The following SMYD1 variants were observed in gnomAD, a reference collection of about 807,000 sequenced individuals.
SMYD1 encodes histone-lysine N-methyltransferase SMYD1.
A neutral mutation model predicts 54.0 loss-of-function variants in SMYD1; 49 were observed. That is an observed-to-expected ratio of 0.91 (90% CI 0.72 to 1.15). The LOEUF is 1.15. Ranked by LOEUF, SMYD1 falls within the 50% of genes most tolerant of loss-of-function variation. The pLI is 0.00. For synonymous variants in SMYD1, 269 were observed against 234.2 expected, an observed-to-expected ratio of 1.15 and a Z score of -1.36; for missense variants, 653 against 639.6, an observed-to-expected ratio of 1.02 and a Z score of -0.23.
In SMYD1 at chr2:88,088,007, T is replaced by C. The variant is rs1467479249; in HGVS notation, c.460T>C (p.Phe154Leu). Residue 154 changes from phenylalanine to leucine, a missense_variant, in exon 3 of 10, where the codon TTC (phenylalanine) becomes CTC (leucine). Phe to Leu is a conservative substitution (Grantham distance 22, BLOSUM62 0). Transcript: ENST00000419482. ...GGACCTGCGGGTGGACGTGGACACA[T>C]TCTTGCAGTACTGGCCGCCGCAGAG... ...QKDLRVDVDT[F>L]LQYWPPQSQQ... 2 of 1,614,154 alleles carry C rather than the reference T, an allele frequency of 1.2e-6. No homozygotes were observed. Among genetic ancestry groups the C allele is most frequent in the South Asian group, 1.1e-5 (1 of 91,090 alleles).
In SMYD1 at chr2:88,088,152, G is replaced by A; in HGVS notation, c.528+77G>A. 4 of 1,449,060 alleles carry A rather than the reference G, an allele frequency of 2.8e-6. No individual in the cohort carries two copies. The South Asian group carries it at 4.2e-5, about 15-fold the overall frequency. The allele number at this position is 1,449,060 out of a possible 1,614,324, so 89.8% of individuals were successfully genotyped here. The stretch of plus-strand genomic sequence containing the variant: ...TCCCTCCTCCCACTTGGGGAGGGTG[G>A]GGCTTCTCAGAAGTGAACTAAGAGG... On this transcript the variant is annotated intron_variant, in intron 3 of 9. Transcript: ENST00000419482.
At chr2:88,094,803 G>T (rs939358996) in intron 5 of SMYD1, among the ~76,000 whole-genome samples, 4 of 152,084 alleles carry the variant, frequency 2.6e-5, no homozygotes, top group Non-Finnish European at 5.9e-5. Flanking sequence ...ATGGTGGGCT[G>T]CCTCTGTAAA....
At chr2:88,074,666 G>A (rs1573101027) in intron 1 of SMYD1, among the ~76,000 whole-genome samples, 2 of 152,220 alleles carry the variant, frequency 1.3e-5, no homozygotes, top group East Asian at 3.9e-4. Context: ...TTTTTTAAAA[G>A]TTCTTTAAAT....
chr2:88,097,945 G>A (rs773985437), intron 6 of SMYD1, among the ~76,000 whole-genome samples: 4 of 152,160 alleles, frequency 2.6e-5, no homozygotes, highest in Non-Finnish European at 4.4e-5. Flanking sequence ...AGCAGTTGGG[G>A]TCCAAGGATT....
At chr2:88,081,284 AAC>A (rs1293790065) in intron 1 of SMYD1, among the ~76,000 whole-genome samples, 91 of 152,196 alleles carry the variant, frequency 6.0e-4, no homozygotes, top group African/African-American at 2.2e-3. Context: ...GTTATTTTTT[AAC>A]ACTTGTTGTA....
intron 6 of SMYD1, among the ~76,000 whole-genome samples, chr2:88,099,343 C>G (rs1674669834): frequency 6.6e-6 from 1 of 152,280 alleles, no homozygotes; most frequent in Non-Finnish European, 1.5e-5. Flanking sequence ...GCCTCAGCCT[C>G]TTGAAGTGCC....
chr2:88,074,254 T>C (rs1674009907), intron 1 of SMYD1, among the ~76,000 whole-genome samples: 1 of 152,244 alleles, frequency 6.6e-6, no homozygotes, highest in Non-Finnish European at 1.5e-5. Context: ...TTCTGGAGGT[T>C]AGAAGTCTAA....
At chr2:88,077,513 G>A (rs983714671) in intron 1 of SMYD1, among the ~76,000 whole-genome samples, 1 of 152,184 alleles carries the variant, frequency 6.6e-6, no homozygotes, top group Non-Finnish European at 1.5e-5. Flanking sequence ...CTTTGAAATG[G>A]CAAAGTGCTG....
intron 6 of SMYD1, among the ~76,000 whole-genome samples, chr2:88,101,976 G>GTATTTTAAATATTATTTAAA (rs1674731526): frequency 6.6e-6 from 1 of 152,136 alleles, no homozygotes; most frequent in Non-Finnish European, 1.5e-5. Context: ...CAGTCATTAA[G>GTATTTTAAATATTATTTAAA]TATTTTAAAT....
Position 88,091,184 on chromosome 2 carries a change from G to A in SMYD1, c.659+42G>A, listed in dbSNP as rs1343355270. On this transcript the variant is annotated intron_variant, in intron 4 of 9. Coordinates refer to ENST00000419482, the MANE Select transcript of SMYD1 (RefSeq NM_198274.4). ...GTGGGGGTGTGTGTGAAGGGGATGG[G>A]GAGACCTATGGTGTTTTCTCCACTT... The A allele has an allele frequency of 1.9e-6, 3 of 1,591,974 alleles. No individual in the cohort carries two copies. The African/African-American group carries it at 4.0e-5, about 21-fold the overall frequency.
In SMYD1 at chr2:88,111,827, C is replaced by T. The variant is rs1675030466; in HGVS notation, c.*1315C>T. 1 of 421,768 alleles carries T rather than the reference C, an allele frequency of 2.4e-6. No individual in the cohort carries two copies. 26.1% of individuals were successfully genotyped at this position (421,768 alleles called of 1,614,324 possible). A position where few individuals can be genotyped will look rare whatever the true frequency, so the allele number is the denominator to read the frequency against. On this transcript the variant is annotated 3_prime_UTR_variant, in exon 10 of 10. Transcript: ENST00000419482. ...TGTTTTGGGAGATCCTGGAAAAGAT[C>T]CCTTCAGTTTGGGGTGTCACCAAGA...
rs147834055 is a variant in SMYD1, at chr2:88,106,277, G to A, written c.982-48G>A. Reference sequence around the variant, plus strand: ...TGATGGTCGCGTATGTGAATTAAACGTGTGCTCTGGTGCAATGGTAATGGG... The same window carrying A: ...TGATGGTCGCGTATGTGAATTAAACATGTGCTCTGGTGCAATGGTAATGGG... On this transcript the variant is annotated intron_variant, in intron 7 of 9. Coordinates refer to ENST00000419482, the MANE Select transcript of SMYD1 (RefSeq NM_198274.4). The A allele has an allele frequency of 2.0e-4, 325 of 1,600,656 alleles. 2 individuals carry two copies. The East Asian group carries it at 7.0e-3, about 35-fold the overall frequency.
In SMYD1 at chr2:88,099,183, C is replaced by T. The variant is rs186552755; in HGVS notation, c.888+2399C>T. Among the ~76,000 whole-genome samples, 11 of 152,202 alleles carry T rather than the reference C, an allele frequency of 7.2e-5. No individual in the cohort carries two copies. The East Asian group carries it at 9.8e-4, about 14-fold the overall frequency. On this transcript the variant is annotated intron_variant, in intron 6 of 9. Coordinates refer to ENST00000419482, the MANE Select transcript of SMYD1 (RefSeq NM_198274.4). ...CTCACTGCAGCCTCGACTTTCTGGG[C>T]TCCAGCGATTCTCCTGCCTTAGGCT... is the stretch of plus-strand genomic sequence containing the variant.
At chr2:88,105,703 T>A (rs781152178) in intron 7 of SMYD1, among the ~76,000 whole-genome samples, 2 of 152,140 alleles carry the variant, frequency 1.3e-5, no homozygotes, top group Non-Finnish European at 2.9e-5. Context: ...TTTGGGAGGC[T>A]GAGGTGGGCG....
Position 88,111,847 on chromosome 2 carries a change from C to G in SMYD1, c.*1335C>G. On this transcript the variant is annotated 3_prime_UTR_variant, in exon 10 of 10. Coordinates refer to ENST00000419482, the MANE Select transcript of SMYD1 (RefSeq NM_198274.4). Reference sequence around the variant, plus strand: ...AAGATCCCTTCAGTTTGGGGTGTCACCAAGACTTCTACACAACCCAGGACT... The same window carrying G: ...AAGATCCCTTCAGTTTGGGGTGTCAGCAAGACTTCTACACAACCCAGGACT... The G allele has an allele frequency of 2.1e-6, 1 of 479,038 alleles. No individual in the cohort carries two copies. The highest frequency in any genetic ancestry group is 3.7e-6 in the Non-Finnish European group (1 of 267,298). The allele number at this position is 479,038 out of a possible 1,614,324, so 29.7% of individuals were successfully genotyped here.
chr2:88,097,362 A>G (rs1451247301), intron 6 of SMYD1, among the ~76,000 whole-genome samples: 2 of 152,102 alleles, frequency 1.3e-5, no homozygotes, highest in Non-Finnish European at 2.9e-5. Context: ...GAGGTCAGGA[A>G]CCCAGCTGAG....
intron 4 of SMYD1, among the ~76,000 whole-genome samples, chr2:88,092,405 G>A (rs1373508890): frequency 6.6e-6 from 1 of 152,182 alleles, no homozygotes; most frequent in Non-Finnish European, 1.5e-5. Context: ...AATATTAATT[G>A]CTTTTGCTCT....
At chr2:88,109,249 C>T (rs1039062592) in intron 9 of SMYD1, among the ~76,000 whole-genome samples, 3 of 118,966 alleles carry the variant, frequency 2.5e-5, no homozygotes, top group Non-Finnish European at 3.5e-5. Flanking sequence ...GAAGCGTAAA[C>T]AATGGGGTGT....
Position 88,084,400 on chromosome 2 carries a change from C to T in SMYD1, c.222C>T (p.Cys74=), listed in dbSNP as rs754440294. 7.3e-5 allele frequency: 117 copies of T among 1,608,466 alleles called. No homozygotes were observed. Among genetic ancestry groups the T allele is most frequent in the Non-Finnish European group, 9.5e-5 (112 of 1,175,488 alleles). ...RCGQCKFAHY[C]DRTCQKDAWL... ...GGCAGTGCAAGTTTGCCCATTACTG[C>T]GACCGCACCTGCCAGAAGGATGCTT... Residue 74 remains cysteine (C), a synonymous_variant, in exon 2 of 10, where the codon TGC becomes TGT. Coordinates refer to ENST00000419482, the MANE Select transcript of SMYD1 (RefSeq NM_198274.4).
Sources: gnomAD v4.1 joint callset for allele counts (sites outside exome capture counted in the v4.1 genomes callset) on GRCh38, gnomAD v4.1.1 for gene constraint, MANE v1.5 for transcripts, NCBI Gene and HGNC (gene_info 2026-07-23, HGNC 2026-07-21) for gene names.